CPPED1: variants seen among roughly 807,000 people sequenced by gnomAD.
The protein encoded by CPPED1 is calcineurin like phosphoesterase domain containing 1.
A neutral mutation model predicts 28.0 loss-of-function variants in CPPED1; 28 were observed. The ratio of observed to expected loss-of-function variants is 1.00; its 90% CI spans 0.74 to 1.37. The LOEUF is 1.37. Among genes scored for constraint, CPPED1 ranks in the 40% most tolerant of loss-of-function variants. The pLI is 0.00. For missense variants in CPPED1, 504 were observed against 416.5 expected, an observed-to-expected ratio of 1.21 and a Z score of -1.83; for synonymous variants, 198 against 180.2, an observed-to-expected ratio of 1.10 and a Z score of -0.79.
At chr16:12,759,950 A>C (rs531203748) in intron 2 of CPPED1, among the ~76,000 whole-genome samples, 1 of 152,358 alleles carries the variant, frequency 6.6e-6, no homozygotes, top group African/African-American at 2.4e-5. Context: ...AAGTACTGGG[A>C]GGTCAGAAAG....
chr16:12,722,771 C>A (rs1351291936), intron 2 of CPPED1, among the ~76,000 whole-genome samples: 1 of 152,134 alleles, frequency 6.6e-6, no homozygotes. Flanking sequence ...CTCAGCCTGC[C>A]CTGGCTTTCA....
intron 2 of CPPED1, among the ~76,000 whole-genome samples, chr16:12,751,455 T>A (rs1343625023): frequency 6.6e-6 from 1 of 152,256 alleles, no homozygotes; most frequent in East Asian, 1.9e-4. Context: ...AGTCATTGGA[T>A]AGACCTCCTT....
At chr16:12,776,314 G>A (rs774821063) in intron 2 of CPPED1, among the ~76,000 whole-genome samples, 5 of 152,172 alleles carry the variant, frequency 3.3e-5, no homozygotes, top group Non-Finnish European at 7.3e-5. Flanking sequence ...TCTGACCCCT[G>A]GGATGGTAAG....
At position 12,704,540 on chromosome 16, in the gene CPPED1, T is replaced by C. The variant is rs926520262; in HGVS notation, c.715+84A>G. The C allele has an allele frequency of 6.3e-5, 88 of 1,402,348 alleles. No homozygotes were observed. The Middle Eastern group carries it at 7.4e-4, about 12-fold the overall frequency. 86.9% of individuals were successfully genotyped at this position (1,402,348 alleles called of 1,614,324 possible). A position where few individuals can be genotyped will look rare whatever the true frequency, so the allele number is the denominator to read the frequency against. On this transcript the variant is annotated intron_variant, in intron 3 of 3. Transcript: ENST00000381774. ...TAGTCCTCTCTCCCTTTTTGACACA[T>C]TGCAGAGAGACGGGAGAAAGATCTG...
At position 12,664,928 on chromosome 16, in the gene CPPED1, T is replaced by C. The variant is rs1263120682; in HGVS notation, c.903A>G (p.Lys301=). The C allele has an allele frequency of 6.2e-7, 1 of 1,608,136 alleles. No homozygotes were observed. The highest frequency in any genetic ancestry group is 8.5e-7 in the Non-Finnish European group (1 of 1,178,134). The change falls in exon 4 of 4, where the codon AAA becomes AAG. Residue 301 remains lysine, a synonymous_variant. Transcript: ENST00000381774. This position sits in a 1 kb window ranked among gnomAD's most constrained non-coding sequence, Gnocchi z 4.2. ...AATCCATGAGATCGTCTTCTATTCC[T>C]TTCTCACTCAGCTCATCTAGACTGT... The part of the protein sequence containing the change: ...RYYSLDELSE[K]GIEDDLMDLI...
chr16:12,669,359 AG>A, intron 3 of CPPED1, among the ~76,000 whole-genome samples: 1 of 152,180 alleles, frequency 6.6e-6, no homozygotes, highest in Non-Finnish European at 1.5e-5. Context: ...TGACAGGTGC[AG>A]GGTTTCTTTG....
chr16:12,725,763 A>G (rs957976821), intron 2 of CPPED1, among the ~76,000 whole-genome samples: 1 of 152,214 alleles, frequency 6.6e-6, no homozygotes, highest in Non-Finnish European at 1.5e-5. Flanking sequence ...CACGTCTTAG[A>G]TATCTTTAGC....
Position 12,682,646 on chromosome 16 carries a change from G to T in CPPED1, c.716-17531C>A, listed in dbSNP as rs1484408711. Among the ~76,000 whole-genome samples, 2 of 152,224 alleles carry T rather than the reference G, an allele frequency of 1.3e-5. No individual in the cohort carries two copies. The highest frequency in any genetic ancestry group is 2.9e-5 in the Non-Finnish European group (2 of 68,040). On this transcript the variant is annotated intron_variant, in intron 3 of 3. Transcript: ENST00000381774. This position sits in a 1 kb window ranked among gnomAD's most constrained non-coding sequence, Gnocchi z 6.1. The stretch of plus-strand genomic sequence containing the variant: ...CCAGGGCCACTGGGAAGATAAGTGA[G>T]AATCAGGGACACGCCCTGGGTGGCA...
At chr16:12,748,952 T>C (rs999935376) in intron 2 of CPPED1, among the ~76,000 whole-genome samples, 27 of 148,948 alleles carry the variant, frequency 1.8e-4, no homozygotes, top group Non-Finnish European at 8.8e-5. Context: ...AAATACTTTA[T>C]TGCTAAAAAA....
In CPPED1 at chr16:12,706,618, T is replaced by C. The variant is rs761140538; in HGVS notation, c.290-1569A>G. ...CCATGGTTCTGGGGCTTAAAGAAGATTGAGGAAGCCAGCCAGGTGGCTGGA... is the reference window on the plus strand; with the variant it reads ...CCATGGTTCTGGGGCTTAAAGAAGACTGAGGAAGCCAGCCAGGTGGCTGGA... On this transcript the variant is annotated intron_variant, in intron 2 of 3. Coordinates refer to ENST00000381774, the MANE Select transcript of CPPED1 (RefSeq NM_018340.3). 3.2e-4 allele frequency among the ~76,000 whole-genome samples: 47 copies of C among 147,956 alleles called. 1 individual carries two copies. Among genetic ancestry groups the C allele is most frequent in the Non-Finnish European group, 4.2e-4 (28 of 67,050 alleles).
At chr16:12,759,994 T>C (rs1317297415) in intron 2 of CPPED1, among the ~76,000 whole-genome samples, 6 of 152,238 alleles carry the variant, frequency 3.9e-5, no homozygotes, top group Non-Finnish European at 2.9e-5. Flanking sequence ...CTCCTTGTTC[T>C]GTCTTTTCTA....
chr16:12,675,110 G>C (rs1567272584), intron 3 of CPPED1, among the ~76,000 whole-genome samples: 1 of 152,160 alleles, frequency 6.6e-6, no homozygotes, highest in Non-Finnish European at 1.5e-5. Flanking sequence ...GCTTTTGATA[G>C]GGAAGCACTG....
chr16:12,784,895 C>T (rs1316891705), intron 1 of CPPED1, among the ~76,000 whole-genome samples: 2 of 152,138 alleles, frequency 1.3e-5, no homozygotes, highest in East Asian at 1.9e-4. Flanking sequence ...TTCATTATTA[C>T]TTGTTTACTT....
intron 3 of CPPED1, among the ~76,000 whole-genome samples, chr16:12,692,617 A>G (rs1465957667): frequency 6.6e-6 from 1 of 152,200 alleles, no homozygotes; most frequent in South Asian, 2.1e-4. Flanking sequence ...AACGGAAAAA[A>G]TACCAGTACC....
At chr16:12,799,160 A>C (rs1392027356) in intron 1 of CPPED1, among the ~76,000 whole-genome samples, 15 of 151,854 alleles carry the variant, frequency 9.9e-5, no homozygotes, top group Admixed American at 9.8e-4. Context: ...AAGGGTTCAG[A>C]GCTGTGATTT....
intron 2 of CPPED1, among the ~76,000 whole-genome samples, chr16:12,766,256 T>TATATATAG: frequency 4.8e-4 from 64 of 134,286 alleles, no homozygotes; most frequent in Middle Eastern, 3.7e-3. Context: ...TATATATATA[T>TATATATAG]AGAGAGAGAG....
intron 2 of CPPED1, among the ~76,000 whole-genome samples, chr16:12,772,356 G>GCATCTCC (rs2080474914): frequency 6.6e-6 from 1 of 152,118 alleles, no homozygotes; most frequent in East Asian, 1.9e-4. Context: ...CTTCCCCATA[G>GCATCTCC]CATCTCCCAT....
At chr16:12,743,485 G>A (rs116831950) in intron 2 of CPPED1, among the ~76,000 whole-genome samples, 48 of 152,244 alleles carry the variant, frequency 3.2e-4, no homozygotes, top group African/African-American at 1.1e-3. Context: ...AGTGGACTAC[G>A]TTAAAACTTA....
chr16:12,712,208 C>T (rs2080083718), intron 2 of CPPED1, among the ~76,000 whole-genome samples: 1 of 152,128 alleles, frequency 6.6e-6, no homozygotes, highest in South Asian at 2.1e-4. Flanking sequence ...ATGCCAAGGA[C>T]AAGAATTTCC....
Sources: allele counts gnomAD v4.1 joint callset (sites outside exome capture counted in the v4.1 genomes callset), GRCh38; gene constraint gnomAD v4.1.1; non-coding constraint Gnocchi (gnomAD v3.1); transcripts MANE v1.5; gene names NCBI Gene and HGNC (gene_info 2026-07-23, HGNC 2026-07-21).